ZC3HAV1: variants seen among roughly 807,000 people sequenced by gnomAD.
ZC3HAV1 encodes the protein zinc finger CCCH-type antiviral protein 1.
Under a neutral mutation model 86.6 loss-of-function variants are expected in ZC3HAV1, and 41 were observed. The ratio of observed to expected loss-of-function variants is 0.47; its 90% CI spans 0.37 to 0.61. ZC3HAV1 has a LOEUF of 0.61. Among genes scored for constraint, ZC3HAV1 ranks in the 20% least tolerant of loss-of-function variants. The pLI, the probability that ZC3HAV1 is intolerant of heterozygous loss-of-function variation, is 0.00. For missense variants in ZC3HAV1, 964 were observed against 1,141.1 expected (o/e 0.84, Z 2.24); for synonymous variants, 421 against 432.1 (o/e 0.97, Z 0.32).
chr7:139,061,151 A>G lies in ZC3HAV1; in HGVS notation c.1994-13T>C. ...GTCTGAATCATCCCTTTGGACAGAAAAAAAAATAAAAGCAGTGAGAATCAA... is the reference window on the plus strand; with the variant it reads ...GTCTGAATCATCCCTTTGGACAGAAGAAAAAATAAAAGCAGTGAGAATCAA... On this transcript the variant is annotated splice_polypyrimidine_tract_variant and intron_variant, in intron 8 of 12. Transcript: ENST00000242351. 1 of 1,604,864 alleles carries G rather than the reference A, an allele frequency of 6.2e-7. No homozygotes were observed. The highest frequency in any genetic ancestry group is 8.5e-7 in the Non-Finnish European group (1 of 1,175,148).
intron 8 of ZC3HAV1, among the ~76,000 whole-genome samples, chr7:139,064,598 T>G (rs1327021322): frequency 6.6e-6 from 1 of 152,126 alleles, no homozygotes; most frequent in Non-Finnish European, 1.5e-5. Flanking sequence ...GAGCTGGAAG[T>G]ACCCCCAAGA....
intron 1 of ZC3HAV1, among the ~76,000 whole-genome samples, 155 bp from the exon 2 acceptor site, chr7:139,089,914 TA>T (rs199725423): frequency 1.3e-5 from 2 of 152,146 alleles, no homozygotes; most frequent in Non-Finnish European, 2.9e-5. Flanking sequence ...TATATTTATT[TA>T]TTTTTTTTAC....
intron 1 of ZC3HAV1, among the ~76,000 whole-genome samples, chr7:139,094,301 C>T (rs1817516618): frequency 6.6e-6 from 1 of 151,990 alleles, no homozygotes; most frequent in African/African-American, 2.4e-5. Context: ...AGGGCCACCT[C>T]CCCAAAAAGG....
chr7:139,063,651 G>A (rs1211852750), intron 8 of ZC3HAV1, among the ~76,000 whole-genome samples: 1 of 150,990 alleles, frequency 6.6e-6, no homozygotes, highest in Non-Finnish European at 1.5e-5. Context: ...TTGAGCCAGG[G>A]AGGTTGAGGC....
At chr7:139,097,401 C>CATATATATATATGTATATATAT (rs1817620149) in intron 1 of ZC3HAV1, among the ~76,000 whole-genome samples, 1 of 63,862 alleles carries the variant, frequency 1.6e-5, no homozygotes. Context: ...ATTGGAACTC[C>CATATATATATATGTATATATAT]ATATATATAT....
chr7:139,058,121 G>A (rs1816339806), intron 9 of ZC3HAV1, among the ~76,000 whole-genome samples: 1 of 151,748 alleles, frequency 6.6e-6, no homozygotes, highest in Non-Finnish European at 1.5e-5. Context: ...GCTAGTGAGA[G>A]CAGGATTAAA....
Position 139,079,544 on chromosome 7 carries a change from C to G in ZC3HAV1, c.1397G>C (p.Gly466Ala). The change falls in exon 4 of 13, where the codon GGA becomes GCA. Residue 466 changes from glycine to alanine, a missense_variant. Physicochemically the swap from Gly to Ala is moderately conservative, Grantham distance 60. Coordinates refer to ENST00000242351, the MANE Select transcript of ZC3HAV1 (RefSeq NM_020119.4). The stretch of plus-strand genomic sequence containing the variant: ...GGCCTGGACATCTCGGGAAGCAGGT[C>G]CAGCATCCTGAATCCTAGGTGATGA... Reference protein sequence around the residue: ...EISSPRIQDAGPASRDVQATG... With the variant: ...EISSPRIQDAAPASRDVQATG... 6.2e-7 allele frequency: 1 copy of G among 1,614,108 alleles called. No individual in the cohort carries two copies. The highest frequency in any genetic ancestry group is 8.5e-7 in the Non-Finnish European group (1 of 1,180,008).
At chr7:139,084,691 T>C (rs1817226908) in intron 2 of ZC3HAV1, among the ~76,000 whole-genome samples, 1 of 152,242 alleles carries the variant, frequency 6.6e-6, no homozygotes, top group Non-Finnish European at 1.5e-5. Flanking sequence ...TTTCCTTTGC[T>C]GTAACAGGAG....
At chr7:139,092,915 C>G (rs1016995247) in intron 1 of ZC3HAV1, among the ~76,000 whole-genome samples, 3 of 152,210 alleles carry the variant, frequency 2.0e-5, no homozygotes, top group Admixed American at 2.0e-4. Flanking sequence ...GCAAATTCTG[C>G]TTCGTTTTCC....
At chr7:139,055,374 T>A in intron 9 of ZC3HAV1, 79 bp from the exon 10 acceptor site, 2 of 1,238,008 alleles carry the variant, frequency 1.6e-6, no homozygotes, top group Non-Finnish European at 2.3e-6. Flanking sequence ...TTCCAGCCAC[T>A]AGGCCAAGGA....
intron 7 of ZC3HAV1, among the ~76,000 whole-genome samples, chr7:139,065,260 T>C (rs1428597674): frequency 2.0e-5 from 3 of 152,202 alleles, no homozygotes; most frequent in African/African-American, 7.2e-5. Flanking sequence ...TTTGCAATAC[T>C]CTTTTACAGC....
chr7:139,063,936 C>T (rs1008272412), intron 8 of ZC3HAV1, among the ~76,000 whole-genome samples: 2 of 152,092 alleles, frequency 1.3e-5, no homozygotes, highest in Non-Finnish European at 2.9e-5. Context: ...TAGTATTCTT[C>T]GGTCACACCA....
At chr7:139,105,264 T>C (rs1481137441) in intron 1 of ZC3HAV1, among the ~76,000 whole-genome samples, 1 of 152,082 alleles carries the variant, frequency 6.6e-6, no homozygotes, top group East Asian at 1.9e-4. Flanking sequence ...ATACCAATCC[T>C]GCCAGCTTCT....
In ZC3HAV1 at chr7:139,054,787, T is replaced by G. The variant is rs374986982; in HGVS notation, c.2187+418A>C. ...GAGTGTTTGTTGTTGTTGTTTGTTTTTTGGAGACAGAGTCTCACTCTGTCG... is the reference window on the plus strand; with the variant it reads ...GAGTGTTTGTTGTTGTTGTTTGTTTGTTGGAGACAGAGTCTCACTCTGTCG... On this transcript the variant is annotated intron_variant, in intron 10 of 12. Coordinates refer to ENST00000242351, the MANE Select transcript of ZC3HAV1 (RefSeq NM_020119.4). Among the ~76,000 whole-genome samples, 68 of 152,232 alleles carry G rather than the reference T, an allele frequency of 4.5e-4. 1 individual carries two copies. The highest frequency in any genetic ancestry group is 1.4e-3 in the African/African-American group (60 of 41,546).
intron 7 of ZC3HAV1, among the ~76,000 whole-genome samples, chr7:139,069,998 T>C (rs958615684): frequency 6.6e-6 from 1 of 152,230 alleles, no homozygotes; most frequent in Non-Finnish European, 1.5e-5. Flanking sequence ...GAAACCAGGC[T>C]GTTCTTGATA....
chr7:139,084,148 G>A (rs2130712128), intron 2 of ZC3HAV1, 116 bp from the exon 3 acceptor site: 1 of 1,383,552 alleles, frequency 7.2e-7, no homozygotes, highest in Non-Finnish European at 9.7e-7. Flanking sequence ...ATATACCAAA[G>A]GGGGAAAAAT....
intron 9 of ZC3HAV1, among the ~76,000 whole-genome samples, chr7:139,056,415 C>CT (rs1312540665): frequency 0.022 from 808 of 35,942 alleles, 13 homozygotes; most frequent in South Asian, 0.043. Flanking sequence ...CTTTTCTTTT[C>CT]TTTTTTTTTT....
chr7:139,063,723 CAA>C (rs57944873), intron 8 of ZC3HAV1, among the ~76,000 whole-genome samples: 300 of 73,954 alleles, frequency 4.1e-3, no homozygotes, highest in Middle Eastern at 7.5e-3. Context: ...GACCCTGTCT[CAA>C]AAAAAAAAAA....
At chr7:139,067,032 G>A (rs1816625463) in intron 7 of ZC3HAV1, among the ~76,000 whole-genome samples, 1 of 152,192 alleles carries the variant, frequency 6.6e-6, no homozygotes, top group Non-Finnish European at 1.5e-5. Context: ...ACTTTGACTA[G>A]CAAGCCTCTA....
Sources: gnomAD v4.1 joint callset for allele counts (sites outside exome capture counted in the v4.1 genomes callset) on GRCh38, gnomAD v4.1.1 for gene constraint, MANE v1.5 for transcripts, NCBI Gene and HGNC (gene_info 2026-07-23, HGNC 2026-07-21) for gene names.